Variants in UBXN2A observed in about 807,000 individuals in gnomAD.
UBXN2A encodes the protein UBX domain-containing protein 2A.
Under a neutral mutation model 28.4 loss-of-function variants are expected in UBXN2A, and 28 were observed. The observed-to-expected ratio is 0.99, with a 90% CI of 0.73 to 1.35. UBXN2A has a LOEUF of 1.35. UBXN2A is among the 40% of genes most tolerant of loss of function. The probability of loss-of-function intolerance (pLI) is 0.00; values close to 1 mark genes in which losing one functional copy is unlikely to be tolerated. For missense variants in UBXN2A, 253 were observed against 297.9 expected, an observed-to-expected ratio of 0.85 and a Z score of 1.11; for synonymous variants, 97 against 103.6, an observed-to-expected ratio of 0.94 and a Z score of 0.39.
At chr2:23,962,751 A>G (rs1706988978) in intron 2 of UBXN2A, among the ~76,000 whole-genome samples, 1 of 151,922 alleles carries the variant, frequency 6.6e-6, no homozygotes, top group African/African-American at 2.4e-5. Context: ...AATTACAGGC[A>G]TGTGCAACCA....
At chr2:23,953,622 G>T (rs1573547649) in intron 1 of UBXN2A, among the ~76,000 whole-genome samples, 1 of 151,994 alleles carries the variant, frequency 6.6e-6, no homozygotes, top group Non-Finnish European at 1.5e-5. Flanking sequence ...TCGAAATATG[G>T]TCCATACATT....
intron 1 of UBXN2A, among the ~76,000 whole-genome samples, chr2:23,942,487 G>T (rs1034417307): frequency 4.3e-5 from 6 of 139,248 alleles, no homozygotes; most frequent in African/African-American, 1.6e-4. Flanking sequence ...GCAGCGGCAC[G>T]ATCTTGGCTC....
rs1316740358 is a variant in UBXN2A at position 24,003,141 on chromosome 2, T to C, written c.*3274T>C. ...CTGTGATGGGTCTCAGATCTCTGCATTTTTAATCTCACGTGATTCTTAAGT... is the reference window on the plus strand; with the variant it reads ...CTGTGATGGGTCTCAGATCTCTGCACTTTTAATCTCACGTGATTCTTAAGT... On this transcript the variant is annotated 3_prime_UTR_variant, in exon 7 of 7. Transcript: ENST00000309033. 6.6e-6 allele frequency: 1 copy of C among 152,242 alleles called. No individual in the cohort carries two copies. Among genetic ancestry groups the C allele is most frequent in the Non-Finnish European group, 1.5e-5 (1 of 68,038 alleles). 9.4% of individuals were successfully genotyped at this position (152,242 alleles called of 1,614,324 possible).
chr2:23,978,719 T>G (rs1457317435), intron 4 of UBXN2A, among the ~76,000 whole-genome samples: 1 of 151,952 alleles, frequency 6.6e-6, no homozygotes, highest in Non-Finnish European at 1.5e-5. Flanking sequence ...ATCCCAGCAC[T>G]TTGGGAGGCG....
intron 1 of UBXN2A, among the ~76,000 whole-genome samples, chr2:23,943,665 T>C (rs1705879442): frequency 6.6e-6 from 1 of 151,878 alleles, no homozygotes; most frequent in African/African-American, 2.4e-5. Context: ...TTTTGTATTT[T>C]TAGTAGAGAG....
rs544683744 is a variant in UBXN2A, at chr2:23,949,323, G to A, written c.-15+8675G>A. Among the ~76,000 whole-genome samples, 25 of 151,936 alleles carry A rather than the reference G, an allele frequency of 1.6e-4. No individual in the cohort carries two copies. In the South Asian group the frequency reaches 4.6e-3, roughly 28 times the overall value. ...ATGGTGGCTCACGCTTGTAATCCCA[G>A]CACTGTGGGAGGCCGAGGTGGGCGG... On this transcript the variant is annotated intron_variant, in intron 1 of 6. Transcript: ENST00000309033.
chr2:23,967,305 A>T (rs1707220340), intron 2 of UBXN2A, among the ~76,000 whole-genome samples: 1 of 152,180 alleles, frequency 6.6e-6, no homozygotes, highest in Non-Finnish European at 1.5e-5. Flanking sequence ...AAGGAATGAA[A>T]TTTCAGCTAC....
chr2:23,978,415 G>C (rs1268721727), intron 4 of UBXN2A, among the ~76,000 whole-genome samples: 1 of 152,082 alleles, frequency 6.6e-6, no homozygotes, highest in African/African-American at 2.4e-5. Flanking sequence ...AGGCCGAGGC[G>C]TGCAGATCAC....
chr2:23,953,220 A>G (rs965944310), intron 1 of UBXN2A, among the ~76,000 whole-genome samples: 2 of 152,186 alleles, frequency 1.3e-5, no homozygotes, highest in African/African-American at 4.8e-5. Context: ...ATAGCACTCT[A>G]GGTGTATATA....
chr2:23,944,952 A>G (rs893655902), intron 1 of UBXN2A, among the ~76,000 whole-genome samples: 3 of 152,224 alleles, frequency 2.0e-5, no homozygotes, highest in Admixed American at 1.3e-4. Context: ...CCCAAGAGGA[A>G]GATCCAGAAA....
At chr2:23,999,214 G>A (rs193016790) in intron 6 of UBXN2A, among the ~76,000 whole-genome samples, 1 of 152,192 alleles carries the variant, frequency 6.6e-6, no homozygotes, top group African/African-American at 2.4e-5. Flanking sequence ...GCTACATGAC[G>A]ATCATGATAC....
intron 2 of UBXN2A, among the ~76,000 whole-genome samples, chr2:23,958,651 C>T (rs2339885): frequency 1 from 152,359 of 152,366 alleles, 76,176 homozygotes; most frequent in Non-Finnish European, 1. Context: ...GTGATAGATA[C>T]ACTATTTTAG....
Position 23,973,425 on chromosome 2 carries a change from G to A in UBXN2A, c.180+2011G>A, listed in dbSNP as rs1286448352. On this transcript the variant is annotated intron_variant, in intron 3 of 6. Transcript: ENST00000309033. ...GCGATCTCTGCTCACTGTAAGCTCC[G>A]CCTCCCAGGTTCATGCCATTCTCCT... 5.3e-5 allele frequency among the ~76,000 whole-genome samples: 8 copies of A among 149,668 alleles called. No individual in the cohort carries two copies. In the South Asian group the frequency reaches 1.3e-3, roughly 24 times the overall value.
chr2:23,942,998 C>T (rs1363748382), intron 1 of UBXN2A, among the ~76,000 whole-genome samples: 1 of 151,044 alleles, frequency 6.6e-6, no homozygotes, highest in Non-Finnish European at 1.5e-5. Flanking sequence ...GAGTCTCGCA[C>T]AGGCAGGAGT....
intron 1 of UBXN2A, among the ~76,000 whole-genome samples, chr2:23,952,222 C>T (rs1176078550): frequency 6.6e-6 from 1 of 151,932 alleles, no homozygotes; most frequent in African/African-American, 2.4e-5. Context: ...CTGCCTTGGC[C>T]GCCCAAAGTG....
chr2:23,998,268 C>G, intron 6 of UBXN2A, among the ~76,000 whole-genome samples: 1 of 152,072 alleles, frequency 6.6e-6, no homozygotes, highest in Non-Finnish European at 1.5e-5. Flanking sequence ...TATTGTATCT[C>G]TGATAGGTAC....
At chr2:23,958,030 G>A (rs914850493) in intron 1 of UBXN2A, among the ~76,000 whole-genome samples, 11 of 152,150 alleles carry the variant, frequency 7.2e-5, no homozygotes, top group African/African-American at 1.4e-4. Context: ...GGAATTACAG[G>A]TGTGAGGCAC....
At chr2:23,937,687 T>G (rs114840399), upstream of UBXN2A, among the ~76,000 whole-genome samples, 115 of 152,340 alleles carry the variant, frequency 7.5e-4, 1 homozygote, top group African/African-American at 2.7e-3. Flanking sequence ...GAAATATATT[T>G]AACCAAAGAG....
rs1213208222 is a variant in UBXN2A at position 24,002,169 on chromosome 2, C to T, written c.*2302C>T. On this transcript the variant is annotated 3_prime_UTR_variant, in exon 7 of 7. Coordinates refer to ENST00000309033, the MANE Select transcript of UBXN2A (RefSeq NM_181713.4). ...CCTGTAATCCCAGCACTTTGGGACA[C>T]TAAAGCGGGCAGATCACCTGAGGTC... 6.6e-6 allele frequency: 1 copy of T among 152,082 alleles called. No homozygotes were observed. Among genetic ancestry groups the T allele is most frequent in the Non-Finnish European group, 1.5e-5 (1 of 68,082 alleles). The allele number at this position is 152,082 out of a possible 1,614,324, so 9.4% of individuals were successfully genotyped here. A position where few individuals can be genotyped will look rare whatever the true frequency, so the allele number is the denominator to read the frequency against.
Sources: gnomAD v4.1 joint callset for allele counts (sites outside exome capture counted in the v4.1 genomes callset) on GRCh38, gnomAD v4.1.1 for gene constraint, MANE v1.5 for transcripts, NCBI Gene and HGNC (gene_info 2026-07-23, HGNC 2026-07-21) for gene names.